Variants in TTI1 observed in about 807,000 individuals in gnomAD.
TTI1 encodes the protein TELO2-interacting protein 1 homolog.
Under a neutral mutation model 85.4 loss-of-function variants are expected in TTI1, and 52 were observed. The observed-to-expected ratio is 0.61, with a 90% CI of 0.49 to 0.77. TTI1 has a LOEUF of 0.77. Among genes scored for constraint, TTI1 ranks in the 30% least tolerant of loss-of-function variants. The probability of loss-of-function intolerance (pLI) is 0.00; values close to 1 mark genes in which losing one functional copy is unlikely to be tolerated. For synonymous variants in TTI1, 512 were observed against 503.9 expected, an observed-to-expected ratio of 1.02 and a Z score of -0.22; for missense variants, 1,173 against 1,296.0, an observed-to-expected ratio of 0.91 and a Z score of 1.46.
At chr20:38,025,518 G>C (rs1054984856) in intron 1 of TTI1, among the ~76,000 whole-genome samples, 2 of 151,758 alleles carry the variant, frequency 1.3e-5, no homozygotes, top group African/African-American at 4.8e-5. Context: ...GCAGTGAGCA[G>C]AGATTGTGGC....
intron 2 of TTI1, 52 bp from the exon 3 acceptor site, chr20:38,006,449 G>C (rs768293006): frequency 4.4e-6 from 7 of 1,593,122 alleles, no homozygotes; most frequent in Non-Finnish European, 6.0e-6. Context: ...ACAGGCATGA[G>C]TACTTTATAC....
intron 2 of TTI1, 55 bp downstream of exon 2, chr20:38,011,460 A>G: frequency 6.4e-7 from 1 of 1,568,508 alleles, no homozygotes; most frequent in Non-Finnish European, 8.6e-7. Context: ...TAAGCAAACT[A>G]GGAGACTGAG....
chr20:38,026,624 A>G (rs1462431205), intron 1 of TTI1, among the ~76,000 whole-genome samples: 1 of 152,250 alleles, frequency 6.6e-6, no homozygotes, highest in Admixed American at 6.5e-5. Context: ...TCTGAGAAGA[A>G]GGAAAACAAA....
intron 1 of TTI1, among the ~76,000 whole-genome samples, chr20:38,030,053 C>A (rs1365962687): frequency 6.6e-6 from 1 of 152,132 alleles, no homozygotes; most frequent in Non-Finnish European, 1.5e-5. Context: ...ACAGGGAATA[C>A]CACAAATAGC....
chr20:37,991,885 C>A (rs909350193), intron 7 of TTI1, among the ~76,000 whole-genome samples: 8 of 152,238 alleles, frequency 5.3e-5, no homozygotes, highest in Admixed American at 4.6e-4. Context: ...GATTCATCCA[C>A]AAGCACCCTA....
chr20:38,017,574 C>T (rs2073703570), intron 1 of TTI1, among the ~76,000 whole-genome samples: 1 of 152,088 alleles, frequency 6.6e-6, no homozygotes, highest in African/African-American at 2.4e-5. Context: ...GCTGGACAGA[C>T]AAAACTGCAA....
Position 38,011,745 on chromosome 20 carries a change from A to C in TTI1, c.2072T>G (p.Ile691Ser). 6.2e-7 allele frequency: 1 copy of C among 1,614,214 alleles called. No homozygotes were observed. The highest frequency in any genetic ancestry group is 8.5e-7 in the Non-Finnish European group (1 of 1,180,040). Residue 691 changes from isoleucine (I) to serine (S), a missense_variant, in exon 2 of 8, where the codon ATC becomes AGC. Physicochemically the swap from Ile to Ser is moderately radical, Grantham distance 142. Transcript: ENST00000373447. ...CACTAAATAGTCTGAATTTTGATTG[A>C]TCAGGTGCTGCAGGGAGTCGTAGCC... ...ACGYDSLQHL[I>S]NQNSDYLVNG...
At position 38,012,268 on chromosome 20, in the gene TTI1, CCA is replaced by C. The variant is rs1221954004; in HGVS notation, c.1547_1548del (p.Val516GlyfsTer11). The C allele has an allele frequency of 6.2e-7, 1 of 1,614,050 alleles. No homozygotes were observed. The highest frequency in any genetic ancestry group is 8.5e-7 in the Non-Finnish European group (1 of 1,180,052). On this transcript the variant is annotated frameshift_variant, in exon 2 of 8. Transcript: ENST00000373447. LOFTEE classifies it high-confidence loss of function. ...DHFMELYHQS[V>X]VYRKQAAMIL... ...ATCATGGCAGCTTGCTTCCGGTAAA[CCA>C]CAGATTGATGGTAAAGTTCCATAAA... is the stretch of plus-strand genomic sequence containing the variant.
In TTI1 at chr20:38,020,320, AAAAATATATATATATAT is replaced by A. The variant is rs2073747716; in HGVS notation, c.-41-6480_-41-6464del. On this transcript the variant is annotated intron_variant, in intron 1 of 7. Transcript: ENST00000373447. ...CTTGGCTACTCATATGAAAAAAAAA[AAAAATATATATATATAT>A]ATATATATATATATATGTATGTATC... 1.1e-4 allele frequency among the ~76,000 whole-genome samples: 9 copies of A among 80,266 alleles called. 1 individual carries two copies. The highest frequency in any genetic ancestry group is 4.4e-4 in the African/African-American group (8 of 18,162). 52.7% of individuals were successfully genotyped at this position (80,266 alleles called of 152,430 possible).
Position 38,013,635 on chromosome 20 carries a change from T to C in TTI1, c.182A>G (p.Lys61Arg), listed in dbSNP as rs758711639. Residue 61 changes from lysine (K) to arginine (R), a missense_variant, in exon 2 of 8, where the codon AAG becomes AGG. Physicochemically the swap from Lys to Arg is conservative, Grantham distance 26 (BLOSUM62 2). Coordinates refer to ENST00000373447, the MANE Select transcript of TTI1 (RefSeq NM_001303457.2). ...YILFPLRFTLKTPGPKRERLI... is the reference protein window; with the variant it reads ...YILFPLRFTLRTPGPKRERLI... Reference sequence around the variant, plus strand: ...ACGCTCTCTTTTGGGACCTGGGGTCTTCAGGGTAAATCGCAGAGGGAAGAG... The same window carrying C: ...ACGCTCTCTTTTGGGACCTGGGGTCCTCAGGGTAAATCGCAGAGGGAAGAG... 6.2e-7 allele frequency: 1 copy of C among 1,614,222 alleles called. No individual in the cohort carries two copies.
At chr20:37,999,711 A>G (rs1195754686) in intron 4 of TTI1, among the ~76,000 whole-genome samples, 1 of 152,236 alleles carries the variant, frequency 6.6e-6, no homozygotes, top group African/African-American at 2.4e-5. Flanking sequence ...AAGGATGAGT[A>G]GGAGTTAGTT....
At chr20:38,024,472 T>C (rs1307854534) in intron 1 of TTI1, among the ~76,000 whole-genome samples, 2 of 151,906 alleles carry the variant, frequency 1.3e-5, no homozygotes, top group African/African-American at 4.8e-5. Flanking sequence ...GTTCCCCAGG[T>C]TTTCTTTCTG....
chr20:38,022,066 A>C (rs1471854489), intron 1 of TTI1, among the ~76,000 whole-genome samples: 4 of 152,218 alleles, frequency 2.6e-5, no homozygotes, highest in Non-Finnish European at 4.4e-5. Context: ...TCAAGGTGCA[A>C]GGCCTGTCAC....
rs147531833 is a variant in TTI1 at position 37,985,866 on chromosome 20, T to C, written c.3087-2227A>G. ...TGGCCTGTTCTGTGCCCAAACAATT[T>C]ACTTTTCTTTGCTAGGATAATCTTG... is the stretch of plus-strand genomic sequence containing the variant. On this transcript the variant is annotated intron_variant, in intron 7 of 7. Transcript: ENST00000373447. Among the ~76,000 whole-genome samples, 11 of 152,260 alleles carry C rather than the reference T, an allele frequency of 7.2e-5. No individual in the cohort carries two copies. The East Asian group carries it at 2.1e-3, about 29-fold the overall frequency.
intron 1 of TTI1, among the ~76,000 whole-genome samples, chr20:38,014,213 G>C (rs939947199): frequency 6.6e-6 from 1 of 152,224 alleles, no homozygotes; most frequent in African/African-American, 2.4e-5. Flanking sequence ...ACCTTCAGGA[G>C]TTTGGATTTA....
At chr20:38,024,712 G>A (rs1369907674) in intron 1 of TTI1, among the ~76,000 whole-genome samples, 1 of 152,162 alleles carries the variant, frequency 6.6e-6, no homozygotes, top group African/African-American at 2.4e-5. Context: ...GGAGAGCCTA[G>A]ACTCCCACTC....
At chr20:38,026,418 C>T in intron 1 of TTI1, among the ~76,000 whole-genome samples, 1 of 152,186 alleles carries the variant, frequency 6.6e-6, no homozygotes, top group East Asian at 1.9e-4. Flanking sequence ...CTTAGCCTCC[C>T]AAAATGCTGG....
chr20:38,033,377 C>A, intron 1 of TTI1, 27 bp downstream of exon 1: 1 of 154,178 alleles, frequency 6.5e-6, no homozygotes, highest in Non-Finnish European at 1.5e-5. Flanking sequence ...GCTGGGCTCC[C>A]TCTGGTTCCC....
chr20:37,996,816 C>A lies in TTI1; in HGVS notation c.2931G>T (p.Thr977=). Reference sequence around the variant, plus strand: ...CAGCCAGCTGCAACTTGAAGGCCAGCGTGTGCGAGTAAACTGGTCCAGCCC... The same window carrying A: ...CAGCCAGCTGCAACTTGAAGGCCAGAGTGTGCGAGTAAACTGGTCCAGCCC... The part of the protein sequence containing the change: ...SARAGPVYSH[T]LAFKLQLAVL... Residue 977 remains threonine (T), a synonymous_variant, in exon 6 of 8, where the codon ACG becomes ACT. Coordinates refer to ENST00000373447, the MANE Select transcript of TTI1 (RefSeq NM_001303457.2). 2 of 1,614,006 alleles carry A rather than the reference C, an allele frequency of 1.2e-6. No individual in the cohort carries two copies. The highest frequency in any genetic ancestry group is 1.7e-6 in the Non-Finnish European group (2 of 1,179,898).
Sources: gnomAD v4.1 joint callset for allele counts (sites outside exome capture counted in the v4.1 genomes callset) on GRCh38, gnomAD v4.1.1 for gene constraint, MANE v1.5 for transcripts, NCBI Gene and HGNC (gene_info 2026-07-23, HGNC 2026-07-21) for gene names.